Variants in PTPRD observed in about 807,000 individuals in gnomAD.
PTPRD encodes the protein protein tyrosine phosphatase receptor type D.
Under a neutral mutation model 214.5 loss-of-function variants are expected in PTPRD, and 34 were observed. That is an observed-to-expected ratio of 0.16 (90% CI 0.12 to 0.21). PTPRD has a LOEUF of 0.21. Among genes scored for constraint, PTPRD ranks in the 10% least tolerant of loss-of-function variants. PTPRD has a pLI of 1.00. For missense variants in PTPRD, 2,545 were observed against 2,398.7 expected (o/e 1.06, Z -1.27); for synonymous variants, 1,128 against 845.7 (o/e 1.33, Z -5.79).
intron 10 of PTPRD, among the ~76,000 whole-genome samples, chr9:9,138,391 C>G (rs1235945138): frequency 6.6e-6 from 1 of 152,080 alleles, no homozygotes; most frequent in Non-Finnish European, 1.5e-5. Flanking sequence ...TTATTATTAT[C>G]ATTATTGAGT....
chr9:8,743,413 G>A (rs1431912107), intron 11 of PTPRD, among the ~76,000 whole-genome samples: 1 of 152,112 alleles, frequency 6.6e-6, no homozygotes, highest in Non-Finnish European at 1.5e-5. Context: ...TCTCATGATG[G>A]GAGCTTAGCT....
chr9:9,365,625 C>T (rs1261277179), intron 9 of PTPRD, among the ~76,000 whole-genome samples: 1 of 151,390 alleles, frequency 6.6e-6, no homozygotes, highest in Non-Finnish European at 1.5e-5. Flanking sequence ...TAATCAAAAG[C>T]TTTTAATAAA....
chr9:10,314,777 AGACT>A (rs1312793688), intron 3 of PTPRD, among the ~76,000 whole-genome samples: 4 of 151,966 alleles, frequency 2.6e-5, no homozygotes, highest in African/African-American at 9.7e-5. Flanking sequence ...CACTATTGAT[AGACT>A]ATTTTGAATG....
In PTPRD at chr9:8,948,747, T is replaced by A. The variant is rs74685270; in HGVS notation, c.-104+69950A>T. On this transcript the variant is annotated intron_variant, in intron 11 of 45. Transcript: ENST00000381196. ...TTTATCCGTCACAATTCCTGCTAGA[T>A]TAGATGCTTCCTACTTATGGAGTGA... Among the ~76,000 whole-genome samples, 18 of 149,868 alleles carry A rather than the reference T, an allele frequency of 1.2e-4. No homozygotes were observed. The East Asian group carries it at 3.6e-3, about 30-fold the overall frequency.
chr9:9,405,862 GC>G (rs1662289485), intron 8 of PTPRD, among the ~76,000 whole-genome samples: 1 of 151,690 alleles, frequency 6.6e-6, no homozygotes. Flanking sequence ...TTGTCCTTTG[GC>G]TTTTCTCTTT....
At chr9:10,190,709 ACT>A (rs1362823312) in intron 3 of PTPRD, among the ~76,000 whole-genome samples, 9 of 123,040 alleles carry the variant, frequency 7.3e-5, no homozygotes, top group Admixed American at 1.8e-4. Flanking sequence ...CAAGAGCAAA[ACT>A]CTGTCTCAAA....
At chr9:9,987,378 G>T (rs2095753424) in intron 4 of PTPRD, among the ~76,000 whole-genome samples, 1 of 152,166 alleles carries the variant, frequency 6.6e-6, no homozygotes, top group Non-Finnish European at 1.5e-5. Flanking sequence ...TGGACTTACA[G>T]TTCCACATGG....
At chr9:8,889,372 T>C (rs575187925) in intron 11 of PTPRD, among the ~76,000 whole-genome samples, 2 of 152,308 alleles carry the variant, frequency 1.3e-5, no homozygotes, top group African/African-American at 4.8e-5. Context: ...TAGTAGGCAA[T>C]ATAATAGATA....
chr9:9,313,436 A>G lies in PTPRD; in HGVS notation c.-203+84013T>C, dbSNP rs142020089. 7.8e-3 allele frequency among the ~76,000 whole-genome samples: 1,183 copies of G among 152,296 alleles called. 10 individuals carry two copies. The highest frequency in any genetic ancestry group is 0.012 in the Non-Finnish European group (840 of 68,030). ...CTGGAAATAAAGAATTAGCGTAAATAAGTGTCAGATACAGAACAAGAAACT... is the reference window on the plus strand; with the variant it reads ...CTGGAAATAAAGAATTAGCGTAAATGAGTGTCAGATACAGAACAAGAAACT... On this transcript the variant is annotated intron_variant, in intron 9 of 45. Coordinates refer to ENST00000381196, the MANE Select transcript of PTPRD (RefSeq NM_002839.4).
chr9:10,158,253 C>T (rs998457183), intron 3 of PTPRD, among the ~76,000 whole-genome samples: 1 of 152,164 alleles, frequency 6.6e-6, no homozygotes, highest in Non-Finnish European at 1.5e-5. Context: ...ATGATCTGCC[C>T]ACTTCGGCCC....
chr9:10,413,132 G>T (rs753761284), intron 2 of PTPRD, among the ~76,000 whole-genome samples: 4 of 151,860 alleles, frequency 2.6e-5, no homozygotes, highest in Non-Finnish European at 5.9e-5. Context: ...GCAAGAGAAA[G>T]ATATAAAAAG....
intron 11 of PTPRD, among the ~76,000 whole-genome samples, chr9:8,738,076 A>G (rs766523874): frequency 1.3e-5 from 2 of 152,222 alleles, no homozygotes; most frequent in Admixed American, 6.5e-5. Flanking sequence ...TTATGAAACA[A>G]TAATTTTGCT....
At chr9:9,953,715 C>G (rs1232449062) in intron 4 of PTPRD, among the ~76,000 whole-genome samples, 1 of 152,122 alleles carries the variant, frequency 6.6e-6, no homozygotes, top group Non-Finnish European at 1.5e-5. Flanking sequence ...GTAACCACTG[C>G]TGAAGCAACC....
At chr9:9,244,110 C>T (rs2099971740) in intron 9 of PTPRD, among the ~76,000 whole-genome samples, 1 of 152,138 alleles carries the variant, frequency 6.6e-6, no homozygotes, top group Non-Finnish European at 1.5e-5. Flanking sequence ...AGGAGAACTA[C>T]AAACCACTGC....
intron 2 of PTPRD, among the ~76,000 whole-genome samples, chr9:10,431,037 G>A (rs2098672753): frequency 6.6e-6 from 1 of 151,952 alleles, no homozygotes; most frequent in South Asian, 2.1e-4. Flanking sequence ...AAGCTAGTTA[G>A]AAGTATATAT....
chr9:9,965,531 A>G (rs2094626908), intron 4 of PTPRD, among the ~76,000 whole-genome samples: 2 of 152,336 alleles, frequency 1.3e-5, no homozygotes, highest in Admixed American at 1.3e-4. Flanking sequence ...ACCTCATGCC[A>G]TGCTAAGGAG....
At chr9:9,788,565 A>AAG (rs2098943753) in intron 5 of PTPRD, among the ~76,000 whole-genome samples, 1 of 149,886 alleles carries the variant, frequency 6.7e-6, no homozygotes, top group African/African-American at 2.5e-5. Context: ...AAAAAAAAAA[A>AAG]GAAAGAAAAA....
chr9:8,831,499 A>G (rs1382025688), intron 11 of PTPRD, among the ~76,000 whole-genome samples: 1 of 152,230 alleles, frequency 6.6e-6, no homozygotes, highest in East Asian at 1.9e-4. Flanking sequence ...TACAGTCTAC[A>G]TACAATTAAA....
intron 4 of PTPRD, among the ~76,000 whole-genome samples, chr9:9,954,682 G>C (rs1189285827): frequency 6.6e-6 from 1 of 151,926 alleles, no homozygotes; most frequent in Non-Finnish European, 1.5e-5. Flanking sequence ...ATATAAAATA[G>C]TAATCCTCCC....
Sources: allele counts gnomAD v4.1 joint callset (sites outside exome capture counted in the v4.1 genomes callset), GRCh38; gene constraint gnomAD v4.1.1; transcripts MANE v1.5; gene names NCBI Gene and HGNC (gene_info 2026-07-23, HGNC 2026-07-21).